NOC4L: variants seen among roughly 807,000 people sequenced by gnomAD.
NOC4L encodes the protein nucleolar complex associated 4 homolog.
Under a neutral mutation model 62.8 loss-of-function variants are expected in NOC4L, and 40 were observed. The observed-to-expected ratio is 0.64, with a 90% CI of 0.49 to 0.83. The LOEUF (loss-of-function observed/expected upper bound fraction) is 0.83. Among genes scored for constraint, NOC4L ranks in the 40% least tolerant of loss-of-function variants. NOC4L has a pLI of 0.00. For missense variants in NOC4L, 927 were observed against 701.9 expected, an observed-to-expected ratio of 1.32 and a Z score of -3.62; for synonymous variants, 433 against 299.8, an observed-to-expected ratio of 1.44 and a Z score of -4.59.
intron 2 of NOC4L, 52 bp downstream of exon 2, chr12:132,145,026 G>A (rs945065347): frequency 1.5e-5 from 23 of 1,538,272 alleles, no homozygotes; most frequent in Non-Finnish European, 1.9e-5. Flanking sequence ...GGGTCGGAGG[G>A]AGGCTTTGTC....
At chr12:132,144,630 C>G (rs757692953) in intron 1 of NOC4L, 25 bp downstream of exon 1, 1 of 1,479,008 alleles carries the variant, frequency 6.8e-7, no homozygotes, top group South Asian at 1.3e-5. Flanking sequence ...GTCGCAGGGC[C>G]GGAGTCGCGG....
intron 3 of NOC4L, 99 bp downstream of exon 3, chr12:132,145,764 C>G (rs1350739274): frequency 1.3e-6 from 1 of 781,568 alleles, no homozygotes; most frequent in Non-Finnish European, 2.1e-6. Flanking sequence ...ATTGTCCAGG[C>G]AAAGCTGCTT....
chr12:132,147,182 C>A, intron 3 of NOC4L, 99 bp from the exon 4 acceptor site: 1 of 917,512 alleles, frequency 1.1e-6, no homozygotes, highest in Non-Finnish European at 1.5e-6. Flanking sequence ...CTTTTCTCAG[C>A]TCTGGGCCTA....
intron 1 of NOC4L, 101 bp downstream of exon 1, chr12:132,144,706 G>T: frequency 1.4e-6 from 2 of 1,448,620 alleles, no homozygotes; most frequent in Non-Finnish European, 1.8e-6. Flanking sequence ...AGACGGCGTT[G>T]GGGGGTCAGG....
intron 8 of NOC4L, 55 bp from the exon 9 acceptor site, chr12:132,148,729 A>ACCCGCCGG: frequency 1.8e-6 from 1 of 562,538 alleles, no homozygotes; most frequent in Non-Finnish European, 2.6e-6. Flanking sequence ...CCTCACCCCG[A>ACCCGCCGG]CCCGCCGGCC....
Position 132,147,589 on chromosome 12 carries a change from G to C in NOC4L, c.454-44G>C, listed in dbSNP as rs374084936. On this transcript the variant is annotated intron_variant, in intron 4 of 14. Coordinates refer to ENST00000330579, the MANE Select transcript of NOC4L (RefSeq NM_024078.3). Reference sequence around the variant, plus strand: ...GGCTGCCTGCCTGGACCTTGCTGGCGTATGCTGGGCCGGGCAGGGCTGCTC... The same window carrying C: ...GGCTGCCTGCCTGGACCTTGCTGGCCTATGCTGGGCCGGGCAGGGCTGCTC... The C allele has an allele frequency of 3.7e-6, 6 of 1,600,838 alleles. No individual in the cohort carries two copies. The African/African-American group carries it at 5.3e-5, about 14-fold the overall frequency.
Position 132,148,751 on chromosome 12 carries a change from G to GC in NOC4L, c.790-29dup, listed in dbSNP as rs756647215. 137 of 825,546 alleles carry GC rather than the reference G, an allele frequency of 1.7e-4. No individual in the cohort carries two copies. In the African/African-American group the frequency reaches 5.8e-3, roughly 35 times the overall value. 51.1% of individuals were successfully genotyped at this position (825,546 alleles called of 1,614,324 possible). On this transcript the variant is annotated intron_variant, in intron 8 of 14. Coordinates refer to ENST00000330579, the MANE Select transcript of NOC4L (RefSeq NM_024078.3). The stretch of plus-strand genomic sequence containing the variant: ...CCGACCCGCCGGCCCCCGCCCACCC[G>GC]CCCCTCACCCCCACCTGCCGGCCCC...
At chr12:132,145,447 G>T (rs757891371) in intron 2 of NOC4L, 112 bp from the exon 3 acceptor site, 10 of 678,170 alleles carry the variant, frequency 1.5e-5, no homozygotes, top group Non-Finnish European at 2.5e-5. Flanking sequence ...TTCCACCTGC[G>T]GAGGCTGAGT....
At chr12:132,144,718 T>A (rs1229536055) in intron 1 of NOC4L, 113 bp downstream of exon 1, 1 of 1,130,576 alleles carries the variant, frequency 8.8e-7, no homozygotes, top group African/African-American at 2.4e-5. Context: ...GGGGTCAGGG[T>A]GGGAGGCGTG....
intron 1 of NOC4L, 54 bp from the exon 2 acceptor site, chr12:132,144,800 A>G: frequency 1.3e-6 from 2 of 1,569,840 alleles, no homozygotes; most frequent in Non-Finnish European, 1.7e-6. Flanking sequence ...CAGCCTAGGC[A>G]GGGGCGAAGG....
intron 13 of NOC4L, 102 bp downstream of exon 13, chr12:132,151,922 T>G: frequency 1.5e-6 from 2 of 1,322,942 alleles, no homozygotes; most frequent in Non-Finnish European, 2.1e-6. Flanking sequence ...TCATGTTGCG[T>G]CCCCAGCTGG....
Position 132,152,150 on chromosome 12 carries a change from A to G in NOC4L, c.1384A>G (p.Met462Val), listed in dbSNP as rs759625617. ...CAGCGTCATCAACCAGGCCCTGTCC[A>G]TGCCTGAGGTCAGCATCGCGCCACT... ...AASVINQALSMPEVSIAPLLE... is the reference protein window; with the variant it reads ...AASVINQALSVPEVSIAPLLE... Residue 462 changes from methionine (M) to valine (V), a missense_variant, in exon 14 of 15, where the codon ATG (methionine) becomes GTG (valine). By Grantham distance (21) the Met-to-Val change is conservative (BLOSUM62 1). Transcript: ENST00000330579. The G allele has an allele frequency of 3.0e-5, 49 of 1,612,250 alleles. No homozygotes were observed. The highest frequency in any genetic ancestry group is 4.0e-5 in the African/African-American group (3 of 74,920).
At chr12:132,151,876 G>A in intron 13 of NOC4L, 56 bp downstream of exon 13, 1 of 1,550,208 alleles carries the variant, frequency 6.5e-7, no homozygotes, top group South Asian at 1.1e-5. Context: ...CGGCCCCTCA[G>A]AAAGCCCAGC....
rs920981417 is a variant in NOC4L, at chr12:132,148,798, C to A, written c.804C>A (p.Leu268=). Residue 268 remains leucine (L), a synonymous_variant, in exon 9 of 15, where the codon CTC becomes CTA. Transcript: ENST00000330579. The part of the protein sequence containing the change: ...SFLKHKLPLS[L]YKKVLLIVHD... Reference sequence around the variant, plus strand: ...CCCCCGCCCAGCTGCCCCTCAGCCTCTACAAGAAGGTGCTGCTGATTGTGC... The same window carrying A: ...CCCCCGCCCAGCTGCCCCTCAGCCTATACAAGAAGGTGCTGCTGATTGTGC... The A allele has an allele frequency of 8.1e-6, 13 of 1,596,940 alleles. No individual in the cohort carries two copies. The highest frequency in any genetic ancestry group is 1.0e-5 in the Non-Finnish European group (12 of 1,174,232).
rs761309882 is a variant in NOC4L, at chr12:132,145,541, A to T, written c.239-18A>T. On this transcript the variant is annotated intron_variant, in intron 2 of 14. Transcript: ENST00000330579. ...TATGTGGGCCTCACGTGGGCTGACC[A>T]CCCTAACCTGTCTGCAGGGTCCCAG... is the stretch of plus-strand genomic sequence containing the variant. 5 of 1,585,566 alleles carry T rather than the reference A, an allele frequency of 3.2e-6. No homozygotes were observed. In the South Asian group the frequency reaches 5.6e-5, roughly 18 times the overall value.
Position 132,151,789 on chromosome 12 carries a change from G to C in NOC4L, c.1286G>C (p.Arg429Pro), listed in dbSNP as rs763754275. Residue 429 changes from arginine to proline, a missense_variant, in exon 13 of 15, where the codon CGG (arginine) becomes CCG (proline). Arg to Pro is a moderately radical substitution (Grantham distance 103, BLOSUM62 -2). Transcript: ENST00000330579. ...GGAGAGGAGGACCCAGCCCAGAGCC[G>C]GGCCTTGGAGAGCTCCCTGTGGGAG... Reference protein sequence around the residue: ...DPGEEDPAQSRALESSLWELQ... With the variant: ...DPGEEDPAQSPALESSLWELQ... The C allele has an allele frequency of 6.2e-7, 1 of 1,612,126 alleles. No homozygotes were observed. Among genetic ancestry groups the C allele is most frequent in the Admixed American group, 1.7e-5 (1 of 60,006 alleles).
chr12:132,151,821 G>A lies in NOC4L; in HGVS notation c.1317+1G>A, dbSNP rs1215766215. ...GGAGAGCTCCCTGTGGGAGCTTCAG[G>A]TGAGGGCGCTGCTGCCACACCCTGG... On this transcript the variant is annotated splice_donor_variant, in intron 13 of 14. Transcript: ENST00000330579. LOFTEE classifies it high-confidence loss of function. 2 of 1,610,820 alleles carry A rather than the reference G, an allele frequency of 1.2e-6. No individual in the cohort carries two copies. Among genetic ancestry groups the A allele is most frequent in the Non-Finnish European group, 1.7e-6 (2 of 1,179,200 alleles).
rs886999626 is a variant in NOC4L, at chr12:132,148,633, A to G, written c.763A>G (p.Met255Val). 1.5e-6 allele frequency: 2 copies of G among 1,295,994 alleles called. No homozygotes were observed. Among genetic ancestry groups the G allele is most frequent in the Non-Finnish European group, 2.0e-6 (2 of 977,358 alleles). 80.3% of individuals were successfully genotyped at this position (1,295,994 alleles called of 1,614,324 possible). Residue 255 changes from methionine to valine, a missense_variant, in exon 8 of 15, where the codon ATG (methionine) becomes GTG (valine). Physicochemically the swap from Met to Val is conservative, Grantham distance 21. Coordinates refer to ENST00000330579, the MANE Select transcript of NOC4L (RefSeq NM_024078.3). ...LKEHRRVFQAMWLSFLKHKLP... is the reference protein window; with the variant it reads ...LKEHRRVFQAVWLSFLKHKLP... ...GGAGCACAGGAGGGTTTTCCAGGCC[A>G]TGTGGCTCAGCTTCCTCAAGCACAA...
At chr12:132,148,735 C>CCGGGGGGGGGGGGGGG in intron 8 of NOC4L, 49 bp from the exon 9 acceptor site, 1 of 1,309,284 alleles carries the variant, frequency 7.6e-7, no homozygotes, top group Non-Finnish European at 1.0e-6. Context: ...CCCGACCCGC[C>CCGGGGGGGGGGGGGGG]GGCCCCCGCC....
Sources: allele counts gnomAD v4.1 joint callset, GRCh38; gene constraint gnomAD v4.1.1; transcripts MANE v1.5; gene names NCBI Gene and HGNC (gene_info 2026-07-23, HGNC 2026-07-21).